The following WDPCP variants were observed in gnomAD, a reference collection of about 807,000 sequenced individuals.
The protein encoded by WDPCP is WD repeat-containing and planar cell polarity effector protein fritz homolog.
In WDPCP, 71 loss-of-function variants were observed where a neutral mutation model predicts 93.1. That is an observed-to-expected ratio of 0.76 (90% CI 0.63 to 0.93). The LOEUF is 0.93. Among genes scored for constraint, WDPCP ranks in the 40% least tolerant of loss-of-function variants. WDPCP has a pLI of 0.00. For synonymous variants in WDPCP, 315 were observed against 315.0 expected (o/e 1.00, Z 0.00); for missense variants, 844 against 887.4 (o/e 0.95, Z 0.62).
At chr2:63,544,555 T>C (rs1490721172) in intron 1 of WDPCP, among the ~76,000 whole-genome samples, 4 of 152,110 alleles carry the variant, frequency 2.6e-5, no homozygotes, top group Admixed American at 2.6e-4. Context: ...TCAAAATTAA[T>C]AGACAAAAAT....
chr2:63,744,406 A>T (rs772876909), intron 2 of WDPCP, among the ~76,000 whole-genome samples: 1 of 152,088 alleles, frequency 6.6e-6, no homozygotes, highest in Non-Finnish European at 1.5e-5. Context: ...AGCCACCGTA[A>T]TGTTGCTGCC....
chr2:63,309,158 T>C (rs180858578), intron 13 of WDPCP, among the ~76,000 whole-genome samples: 2 of 152,252 alleles, frequency 1.3e-5, no homozygotes, highest in African/African-American at 2.4e-5. Flanking sequence ...ATACAATGTT[T>C]ATTATTTGGA....
intron 2 of WDPCP, among the ~76,000 whole-genome samples, chr2:63,683,285 A>G (rs1047897997): frequency 1.3e-5 from 2 of 152,164 alleles, no homozygotes; most frequent in Non-Finnish European, 2.9e-5. Flanking sequence ...ACTCTTCAAT[A>G]AAAAGACATA....
intron 12 of WDPCP, among the ~76,000 whole-genome samples, chr2:63,349,380 A>G (rs1455159425): frequency 1.3e-5 from 2 of 152,116 alleles, no homozygotes; most frequent in African/African-American, 4.8e-5. Flanking sequence ...TTTTCTTTTA[A>G]TTTTATTTTA....
chr2:63,418,232 G>A (rs1205892634), intron 9 of WDPCP, among the ~76,000 whole-genome samples: 1 of 152,040 alleles, frequency 6.6e-6, no homozygotes, highest in African/African-American at 2.4e-5. Flanking sequence ...CATGCAGCTG[G>A]TTTTTCTCCC....
chr2:63,266,194 A>C (rs533221454), intron 13 of WDPCP, among the ~76,000 whole-genome samples: 12 of 152,360 alleles, frequency 7.9e-5, no homozygotes, highest in African/African-American at 2.9e-4. Flanking sequence ...AAGTATCCTT[A>C]TAGGAAAGGA....
chr2:63,725,407 T>C (rs778804616), intron 2 of WDPCP, among the ~76,000 whole-genome samples: 4 of 152,250 alleles, frequency 2.6e-5, no homozygotes, highest in Non-Finnish European at 5.9e-5. Context: ...TAGTATTCCA[T>C]GGTGTATATG....
At chr2:63,622,189 G>A in intron 3 of WDPCP, 3 of 1,591,122 alleles carry the variant, frequency 1.9e-6, no homozygotes, top group Non-Finnish European at 2.6e-6. Context: ...ACAAACTGTT[G>A]CTGCTGCTGC....
intron 2 of WDPCP, among the ~76,000 whole-genome samples, chr2:63,744,301 G>T (rs1374794977): frequency 6.6e-6 from 1 of 152,054 alleles, no homozygotes; most frequent in Non-Finnish European, 1.5e-5. Flanking sequence ...CTCTCCTCTT[G>T]CTCACTGACC....
At chr2:63,353,228 T>C (rs1415555363) in intron 12 of WDPCP, among the ~76,000 whole-genome samples, 1 of 152,106 alleles carries the variant, frequency 6.6e-6, no homozygotes, top group Admixed American at 6.6e-5. Flanking sequence ...GGAGTCTCTG[T>C]AGAACAGTCC....
Position 63,235,383 on chromosome 2 carries a change from G to A in WDPCP, c.1915+23924C>T, listed in dbSNP as rs114030392. ...AGGCTACCAATCAAAAAAAGCCCTG[G>A]CACAGATGGATTCACAGGTGAATTA... On this transcript the variant is annotated intron_variant, in intron 14 of 17. Transcript: ENST00000272321. Among the ~76,000 whole-genome samples, 779 of 152,226 alleles carry A rather than the reference G, an allele frequency of 5.1e-3. 10 individuals carry two copies. Among genetic ancestry groups the A allele is most frequent in the African/African-American group, 0.017 (718 of 41,534 alleles).
intron 1 of WDPCP, among the ~76,000 whole-genome samples, chr2:63,562,278 C>G (rs533395876): frequency 5.8e-4 from 89 of 152,186 alleles, no homozygotes; most frequent in African/African-American, 2.0e-3. Flanking sequence ...AACAGAAAAC[C>G]AAACACCACA....
chr2:63,177,698 T>C (rs1260453882), intron 14 of WDPCP, among the ~76,000 whole-genome samples: 1 of 152,206 alleles, frequency 6.6e-6, no homozygotes, highest in East Asian at 1.9e-4. Context: ...CTTTCTGATT[T>C]TGGTGCCTTT....
chr2:63,832,136 G>A (rs933607305), upstream of WDPCP, among the ~76,000 whole-genome samples: 1 of 152,202 alleles, frequency 6.6e-6, no homozygotes, highest in Non-Finnish European at 1.5e-5. Context: ...TGACTCATTA[G>A]GCAGTTTAAT....
chr2:63,180,851 G>T (rs1444927463), intron 14 of WDPCP, among the ~76,000 whole-genome samples: 2 of 151,914 alleles, frequency 1.3e-5, no homozygotes, highest in African/African-American at 2.4e-5. Context: ...GTTATTTTTT[G>T]AATTTTTAGT....
At chr2:63,346,999 G>C (rs1689238412) in intron 12 of WDPCP, among the ~76,000 whole-genome samples, 1 of 152,072 alleles carries the variant, frequency 6.6e-6, no homozygotes, top group South Asian at 2.1e-4. Context: ...GGGTCAGTCT[G>C]TTTCCAAATA....
rs1694421072 is a variant in WDPCP, at chr2:63,404,602, T to A, written c.881A>T (p.Lys294Ile). 2 of 1,614,098 alleles carry A rather than the reference T, an allele frequency of 1.2e-6. No homozygotes were observed. The highest frequency in any genetic ancestry group is 1.7e-6 in the Non-Finnish European group (2 of 1,179,956). ...WDPLDVRFGTKQPYQVFTVEH... is the reference protein window; with the variant it reads ...WDPLDVRFGTIQPYQVFTVEH... ...CACTGTGAACACCTGATAAGGCTGT[T>A]TGGTGCCAAAGCGAACATCCAGTGG... Residue 294 changes from lysine (K) to isoleucine (I), a missense_variant, in exon 10 of 18, where the codon AAA becomes ATA. By Grantham distance (102) the Lys-to-Ile change is moderately radical (BLOSUM62 -3). Transcript: ENST00000272321.
chr2:63,777,972 G>C (rs1670329917), intron 2 of WDPCP, among the ~76,000 whole-genome samples: 1 of 152,132 alleles, frequency 6.6e-6, no homozygotes, highest in African/African-American at 2.4e-5. Flanking sequence ...AGATGATTCT[G>C]GTAAGGAGGT....
At chr2:63,580,175 T>C (rs1363974760) in intron 1 of WDPCP, among the ~76,000 whole-genome samples, 1 of 152,108 alleles carries the variant, frequency 6.6e-6, no homozygotes, top group Non-Finnish European at 1.5e-5. Flanking sequence ...CAAAGGCAGA[T>C]GAGAAGGAAA....
Sources: gnomAD v4.1 joint callset for allele counts (sites outside exome capture counted in the v4.1 genomes callset) on GRCh38, gnomAD v4.1.1 for gene constraint, MANE v1.5 for transcripts, NCBI Gene and HGNC (gene_info 2026-07-23, HGNC 2026-07-21) for gene names.